Variants in TBPL2 observed in about 807,000 individuals in gnomAD.
TBPL2 encodes the protein TATA box-binding protein-like 2.
In TBPL2, 40 loss-of-function variants were observed where a neutral mutation model predicts 38.2. The ratio of observed to expected loss-of-function variants is 1.05; its 90% CI spans 0.81 to 1.36. The LOEUF (loss-of-function observed/expected upper bound fraction) is 1.36, where lower values mean the gene tolerates loss of function less well. Among genes scored for constraint, TBPL2 ranks in the 40% most tolerant of loss-of-function variants. The pLI, the probability that TBPL2 is intolerant of heterozygous loss-of-function variation, is 0.00. For missense variants in TBPL2, 461 were observed against 456.7 expected (o/e 1.01, Z -0.09); for synonymous variants, 169 against 171.7 (o/e 0.98, Z 0.12).
chr14:55,427,852 C>G (rs987204238), intron 5 of TBPL2, among the ~76,000 whole-genome samples: 3 of 146,238 alleles, frequency 2.1e-5, no homozygotes, highest in Admixed American at 1.3e-4. Flanking sequence ...CACACACACA[C>G]AGATAGGGGA....
intron 5 of TBPL2, among the ~76,000 whole-genome samples, chr14:55,424,729 A>G (rs1885794747): frequency 6.6e-6 from 1 of 152,258 alleles, no homozygotes; most frequent in African/African-American, 2.4e-5. Flanking sequence ...GTATTTGAAC[A>G]GGTGCTATAT....
intron 6 of TBPL2, among the ~76,000 whole-genome samples, chr14:55,420,063 GT>G (rs1023839328): frequency 6.6e-6 from 1 of 151,878 alleles, no homozygotes; most frequent in Non-Finnish European, 1.5e-5. Context: ...GGCCCTTAAG[GT>G]TTTTTTTGTT....
At chr14:55,422,843 ACT>A (rs1472772737) in intron 6 of TBPL2, among the ~76,000 whole-genome samples, 3 of 152,130 alleles carry the variant, frequency 2.0e-5, no homozygotes, top group East Asian at 1.9e-4. Context: ...ACAGAGTGAG[ACT>A]CTGTCTCAAA....
chr14:55,428,695 C>G (rs542258264), intron 5 of TBPL2, 112 bp downstream of exon 5: 2 of 1,165,468 alleles, frequency 1.7e-6, no homozygotes, highest in African/African-American at 3.1e-5. Context: ...TTGTGTCCCC[C>G]GCCTTTTTTT....
At chr14:55,438,049 T>C (rs1886044153) in intron 1 of TBPL2, among the ~76,000 whole-genome samples, 1 of 152,058 alleles carries the variant, frequency 6.6e-6, no homozygotes, top group Non-Finnish European at 1.5e-5. Flanking sequence ...TGGGAAAAAA[T>C]CGATTAGCTT....
At chr14:55,418,725 T>C (rs186595010) in intron 6 of TBPL2, among the ~76,000 whole-genome samples, 1 of 152,270 alleles carries the variant, frequency 6.6e-6, no homozygotes, top group Non-Finnish European at 1.5e-5. Context: ...GGGAAATAAA[T>C]AAATAAGCGT....
intron 6 of TBPL2, among the ~76,000 whole-genome samples, chr14:55,415,844 C>T (rs1436546141): frequency 3.3e-5 from 5 of 151,850 alleles, no homozygotes; most frequent in Non-Finnish European, 7.4e-5. Flanking sequence ...CCAGCCTGGG[C>T]GACACAGCGA....
chr14:55,423,084 G>C (rs1594790397), intron 6 of TBPL2, among the ~76,000 whole-genome samples: 1 of 152,032 alleles, frequency 6.6e-6, no homozygotes. Context: ...GTAGACAAAA[G>C]GATAAGTTAT....
At chr14:55,426,916 G>T (rs1885834143) in intron 5 of TBPL2, among the ~76,000 whole-genome samples, 4 of 151,490 alleles carry the variant, frequency 2.6e-5, no homozygotes, top group Admixed American at 1.3e-4. Context: ...TGGTGAAAAA[G>T]AAATGAATGG....
rs1204695717 is a variant in TBPL2, at chr14:55,424,984, G to T, written c.957-731C>A. 2.6e-5 allele frequency among the ~76,000 whole-genome samples: 4 copies of T among 152,096 alleles called. No individual in the cohort carries two copies. The East Asian group carries it at 7.7e-4, about 29-fold the overall frequency. ...GAATAAAACTATTCTCAAAGCAGTG[G>T]CTAATGGACAAGAAATATAAGAAAA... On this transcript the variant is annotated intron_variant, in intron 5 of 6. Coordinates refer to ENST00000247219, the Ensembl canonical transcript of TBPL2.
At position 55,428,119 on chromosome 14, in the gene TBPL2, CTTTTTTT is replaced by C. The variant is rs567342581; in HGVS notation, c.956+681_956+687del. Among the ~76,000 whole-genome samples the C allele has an allele frequency of 2.1e-4, 9 of 43,356 alleles. No homozygotes were observed. The South Asian group carries it at 5.4e-3, about 26-fold the overall frequency. 28.4% of individuals were successfully genotyped at this position (43,356 alleles called of 152,430 possible). The stretch of plus-strand genomic sequence containing the variant: ...GCCTAGTCCATTTCACATGCCTTAT[CTTTTTTT>C]TTTTTTTTTTTTTTTTTTTTTGAGA... On this transcript the variant is annotated intron_variant, in intron 5 of 6. Transcript: ENST00000247219.
At position 55,437,031 on chromosome 14, in the gene TBPL2, CA is replaced by C; in HGVS notation, c.151-14del. 1 of 1,608,610 alleles carries C rather than the reference CA, an allele frequency of 6.2e-7. No homozygotes were observed. Among genetic ancestry groups the C allele is most frequent in the Non-Finnish European group, 8.5e-7 (1 of 1,175,546 alleles). ...GGGCAAGGCCATCCTAGGCAGTTCC[CA>C]AAACAGACAGACAAAAACACAACAG... On this transcript the variant is annotated splice_polypyrimidine_tract_variant and intron_variant, in intron 1 of 6. Transcript: ENST00000247219.
intron 2 of TBPL2, 34 bp from the exon 3 acceptor site, chr14:55,435,968 A>G (rs1343003488): frequency 2.4e-6 from 3 of 1,273,640 alleles, no homozygotes; most frequent in Non-Finnish European, 3.3e-6. Context: ...AACTTATATC[A>G]GATATAAAGA....
chr14:55,433,971 T>C (rs1236756799), intron 3 of TBPL2, among the ~76,000 whole-genome samples: 1 of 152,238 alleles, frequency 6.6e-6, no homozygotes, highest in African/African-American at 2.4e-5. Context: ...TTTATTCTCA[T>C]GATAGGATGA....
At chr14:55,424,593 A>G (rs1338003818) in intron 5 of TBPL2, among the ~76,000 whole-genome samples, 1 of 152,250 alleles carries the variant, frequency 6.6e-6, no homozygotes, top group African/African-American at 2.4e-5. Flanking sequence ...ATAAGAATAC[A>G]TAATCATGTT....
chr14:55,436,980 T>A lies in TBPL2; in HGVS notation c.189A>T (p.Pro63=), dbSNP rs376185399. 3.1e-6 allele frequency: 5 copies of A among 1,614,096 alleles called. No homozygotes were observed. In the African/African-American group the frequency reaches 6.7e-5, roughly 22 times the overall value. ...GTATGTACATATCATAAGGTACAAC[T>A]GGGCTGAACAGGGGAGACCTGGGTG... The change falls in exon 2 of 7, where the codon CCA becomes CCT. Residue 63 remains proline (P), a synonymous_variant. Transcript: ENST00000247219.
exon 6 of TBPL2, chr14:55,424,244 A>G (rs1286961855): frequency 1.2e-6 from 2 of 1,610,168 alleles, no homozygotes; most frequent in Non-Finnish European, 1.7e-6. Flanking sequence ...GAAACAGTTC[A>G]GGCTCGTAAC....
chr14:55,432,063 G>GA lies in TBPL2; in HGVS notation c.788+1566dup, dbSNP rs555460967. Among the ~76,000 whole-genome samples the GA allele has an allele frequency of 1.9e-3, 291 of 151,946 alleles. 2 individuals carry two copies. Among genetic ancestry groups the GA allele is most frequent in the African/African-American group, 6.8e-3 (281 of 41,482 alleles). Reference sequence around the variant, plus strand: ...GGCAAAGCCAAATGTAGAAAACAAAGAAAAAAATGGGATAAAATGAGTATA... The same window carrying GA: ...GGCAAAGCCAAATGTAGAAAACAAAGAAAAAAAATGGGATAAAATGAGTATA... On this transcript the variant is annotated intron_variant, in intron 4 of 6. Transcript: ENST00000247219.
chr14:55,436,749 C>T (rs1886019722), exon 2 of TBPL2: 2 of 1,614,198 alleles, frequency 1.2e-6, no homozygotes, highest in East Asian at 4.5e-5. Context: ...GCCCAACGTC[C>T]TGTTCGCTGG....
Sources: allele counts gnomAD v4.1 joint callset (sites outside exome capture counted in the v4.1 genomes callset), GRCh38; gene constraint gnomAD v4.1.1; transcripts MANE v1.5; gene names NCBI Gene and HGNC (gene_info 2026-07-23, HGNC 2026-07-21).